Variants in CNTN5 observed in about 807,000 individuals in gnomAD.
The protein encoded by CNTN5 is contactin 5, also known as contactin-5.
Under a neutral mutation model 129.1 loss-of-function variants are expected in CNTN5, and 77 were observed. That is an observed-to-expected ratio of 0.60 (90% CI 0.50 to 0.72). The LOEUF is 0.72. CNTN5 is among the 30% of genes least tolerant of loss of function. CNTN5 has a pLI of 0.00. For synonymous variants in CNTN5, 509 were observed against 465.6 expected (o/e 1.09, Z -1.20); for missense variants, 1,478 against 1,328.8 (o/e 1.11, Z -1.75).
rs548856919 is a variant in CNTN5, at chr11:100,325,237, A to G, written c.2731-15226A>G. On this transcript the variant is annotated intron_variant, in intron 21 of 24. Coordinates refer to ENST00000524871, the MANE Select transcript of CNTN5 (RefSeq NM_014361.4). ...TCTAACCACTAACAGGAAAAAGGTC[A>G]TGATATTCCAAAATATATCTGAAGG... Among the ~76,000 whole-genome samples, 156 of 152,320 alleles carry G rather than the reference A, an allele frequency of 1.0e-3. 1 individual carries two copies. Among genetic ancestry groups the G allele is most frequent in the African/African-American group, 3.6e-3 (151 of 41,588 alleles).
intron 13 of CNTN5, among the ~76,000 whole-genome samples, chr11:100,132,958 C>G (rs562320634): frequency 6.6e-6 from 1 of 151,974 alleles, no homozygotes. Flanking sequence ...TAGTATTACT[C>G]TATAGGATTA....
chr11:99,186,054 T>C (rs184818130), intron 1 of CNTN5, among the ~76,000 whole-genome samples: 9 of 152,006 alleles, frequency 5.9e-5, no homozygotes, highest in East Asian at 1.9e-4. Flanking sequence ...TGGAGAACCA[T>C]GTTACATATT....
intron 2 of CNTN5, among the ~76,000 whole-genome samples, chr11:99,554,204 C>T (rs1197203238): frequency 4.6e-5 from 7 of 152,070 alleles, no homozygotes; most frequent in African/African-American, 9.7e-5. Flanking sequence ...TTCTATCCTC[C>T]GGTCACAGGT....
In CNTN5 at chr11:99,115,534, C is replaced by T. The variant is rs182434939; in HGVS notation, c.-210+94264C>T. ...AGCACTTTGTGAGGCTGAGGTTAGG[C>T]GGATCACCTCAGGAGAGGAGTTTGA... On this transcript the variant is annotated intron_variant, in intron 1 of 24. Coordinates refer to ENST00000524871, the MANE Select transcript of CNTN5 (RefSeq NM_014361.4). 2.6e-3 allele frequency among the ~76,000 whole-genome samples: 399 copies of T among 152,088 alleles called. 1 individual carries two copies. Among genetic ancestry groups the T allele is most frequent in the African/African-American group, 9.2e-3 (382 of 41,506 alleles).
At chr11:99,932,332 G>A (rs1476973530) in intron 7 of CNTN5, among the ~76,000 whole-genome samples, 1 of 151,924 alleles carries the variant, frequency 6.6e-6, no homozygotes, top group Non-Finnish European at 1.5e-5. Flanking sequence ...AGCTGAGATT[G>A]CAGGCACCCA....
intron 9 of CNTN5, among the ~76,000 whole-genome samples, chr11:100,037,179 G>GC (rs202144828): frequency 1.4e-5 from 2 of 138,218 alleles, no homozygotes; most frequent in Non-Finnish European, 3.1e-5. Flanking sequence ...TTAGCATGAA[G>GC]GTTGTTGAAT....
chr11:100,087,318 A>G (rs1944591344), intron 13 of CNTN5, among the ~76,000 whole-genome samples: 1 of 151,890 alleles, frequency 6.6e-6, no homozygotes, highest in Admixed American at 6.6e-5. Flanking sequence ...TTTCATAACT[A>G]TTAAATTAGT....
chr11:99,868,388 G>GT (rs1319225030), intron 6 of CNTN5, among the ~76,000 whole-genome samples: 5 of 152,074 alleles, frequency 3.3e-5, no homozygotes, highest in African/African-American at 9.7e-5. Flanking sequence ...GTATACAATA[G>GT]TTGTTTTAAT....
At chr11:99,845,557 A>G (rs1024974677) in intron 6 of CNTN5, among the ~76,000 whole-genome samples, 5 of 151,566 alleles carry the variant, frequency 3.3e-5, no homozygotes, top group Non-Finnish European at 7.4e-5. Context: ...TATTTTTAGT[A>G]GAGACGGGGT....
intron 1 of CNTN5, among the ~76,000 whole-genome samples, chr11:99,247,973 A>G (rs1185724757): frequency 1.3e-5 from 2 of 152,156 alleles, no homozygotes; most frequent in African/African-American, 4.8e-5. Flanking sequence ...TTGGGTATAT[A>G]CCCAGTAATG....
intron 1 of CNTN5, among the ~76,000 whole-genome samples, chr11:99,186,769 T>G (rs74778276): frequency 0.027 from 4,097 of 151,952 alleles, 178 homozygotes; most frequent in African/African-American, 0.092. Context: ...AGGCAAGAGA[T>G]CAAGTGACAG....
chr11:99,790,976 A>G (rs2135434042), intron 3 of CNTN5, among the ~76,000 whole-genome samples: 1 of 152,186 alleles, frequency 6.6e-6, no homozygotes, highest in African/African-American at 2.4e-5. Context: ...GTGTCTGTTT[A>G]TGACCTTTGC....
chr11:99,202,147 T>A (rs571451099), intron 1 of CNTN5, among the ~76,000 whole-genome samples: 1 of 152,326 alleles, frequency 6.6e-6, no homozygotes, highest in African/African-American at 2.4e-5. Context: ...CTTTTGTATT[T>A]CCTTTGACAA....
chr11:100,153,309 C>T (rs537964281), intron 13 of CNTN5, among the ~76,000 whole-genome samples: 38 of 152,030 alleles, frequency 2.5e-4, no homozygotes, highest in Admixed American at 9.8e-4. Context: ...AATTTTTTTA[C>T]GATTTCAGTA....
chr11:100,306,567 G>C (rs940362854), intron 20 of CNTN5, among the ~76,000 whole-genome samples: 1 of 151,688 alleles, frequency 6.6e-6, no homozygotes, highest in Non-Finnish European at 1.5e-5. Flanking sequence ...GATATTCAAA[G>C]TGTGGTTTCC....
At chr11:99,983,116 C>T (rs929315723) in intron 8 of CNTN5, among the ~76,000 whole-genome samples, 1 of 129,642 alleles carries the variant, frequency 7.7e-6, no homozygotes, top group Non-Finnish European at 1.7e-5. Context: ...AAGTAAACAA[C>T]ATTAAAATGC....
intron 3 of CNTN5, among the ~76,000 whole-genome samples, chr11:99,624,150 A>G (rs543817889): frequency 6.6e-6 from 1 of 151,640 alleles, no homozygotes; most frequent in Non-Finnish European, 1.5e-5. Flanking sequence ...TGTATTTTGT[A>G]CTGTGTCCTT....
intron 2 of CNTN5, among the ~76,000 whole-genome samples, chr11:99,418,282 T>A (rs2055597): frequency 0.22 from 33,373 of 151,828 alleles, 4,986 homozygotes; most frequent in African/African-American, 0.42. Context: ...ACAACAACTT[T>A]AAAAAAAAGG....
chr11:100,155,164 T>TAAGTC (rs1376410279), intron 13 of CNTN5, among the ~76,000 whole-genome samples: 1 of 152,192 alleles, frequency 6.6e-6, no homozygotes, highest in Non-Finnish European at 1.5e-5. Flanking sequence ...GTCTAACATT[T>TAAGTC]AAGTCTTTAA....
Sources: gnomAD v4.1 joint callset for allele counts (sites outside exome capture counted in the v4.1 genomes callset) on GRCh38, gnomAD v4.1.1 for gene constraint, MANE v1.5 for transcripts, NCBI Gene and HGNC (gene_info 2026-07-23, HGNC 2026-07-21) for gene names.